Variants in GABBR2 observed in about 807,000 individuals in gnomAD.
GABBR2 encodes G-protein coupled receptor 51.
In GABBR2, 23 loss-of-function variants were observed where a neutral mutation model predicts 105.6. The ratio of observed to expected loss-of-function variants is 0.22; its 90% CI spans 0.16 to 0.31. GABBR2 has a LOEUF of 0.31. GABBR2 is among the 10% of genes least tolerant of loss of function. The pLI, the probability that GABBR2 is intolerant of heterozygous loss-of-function variation, is 1.00. For missense variants in GABBR2, 734 were observed against 1,245.5 expected, an observed-to-expected ratio of 0.59 and a Z score of 6.18; for synonymous variants, 478 against 499.7, an observed-to-expected ratio of 0.96 and a Z score of 0.58.
intron 1 of GABBR2, among the ~76,000 whole-genome samples, chr9:98,618,885 G>A (rs547904434): frequency 6.6e-6 from 1 of 152,332 alleles, no homozygotes; most frequent in Admixed American, 6.5e-5. Flanking sequence ...CCTAAGGCAA[G>A]TCACTCCCCT....
intron 3 of GABBR2, among the ~76,000 whole-genome samples, chr9:98,507,760 G>C (rs912765978): frequency 2.0e-5 from 3 of 152,034 alleles, no homozygotes; most frequent in African/African-American, 7.2e-5. Context: ...CCCTCTTCTC[G>C]GCTAAACAGA....
chr9:98,536,857 G>T (rs1828191207), intron 3 of GABBR2, among the ~76,000 whole-genome samples: 1 of 152,076 alleles, frequency 6.6e-6, no homozygotes, highest in Non-Finnish European at 1.5e-5. Context: ...CTTCCATCTG[G>T]CAGGGCCCCC....
chr9:98,645,172 G>A (rs1830014678), intron 1 of GABBR2, among the ~76,000 whole-genome samples: 1 of 152,156 alleles, frequency 6.6e-6, no homozygotes, highest in African/African-American at 2.4e-5. Flanking sequence ...CATGTAATTT[G>A]TATGTGAGTG....
At chr9:98,368,879 G>T (rs1009972119) in intron 12 of GABBR2, among the ~76,000 whole-genome samples, 3 of 152,158 alleles carry the variant, frequency 2.0e-5, no homozygotes, top group African/African-American at 7.2e-5. Flanking sequence ...AGGCTCCTGG[G>T]CTCCTCCCAA....
rs527503394 is a variant in GABBR2 at position 98,397,356 on chromosome 9, T to C, written c.1298-3101A>G. The stretch of plus-strand genomic sequence containing the variant: ...ATTTCATTCATTCATTCAACAAACA[T>C]TACTGGACACCCATTACGTGCCAGG... On this transcript the variant is annotated intron_variant, in intron 8 of 18. Coordinates refer to ENST00000259455, the MANE Select transcript of GABBR2 (RefSeq NM_005458.8). 4.7e-4 allele frequency among the ~76,000 whole-genome samples: 72 copies of C among 152,268 alleles called. 3 individuals carry two copies. The South Asian group carries it at 0.015, about 32-fold the overall frequency.
At chr9:98,631,251 A>G (rs1301266326) in intron 1 of GABBR2, among the ~76,000 whole-genome samples, 1 of 152,198 alleles carries the variant, frequency 6.6e-6, no homozygotes, top group Non-Finnish European at 1.5e-5. Flanking sequence ...ACAAAGTCCC[A>G]AAATCTGGAT....
chr9:98,378,378 GC>G (rs1325252382), intron 11 of GABBR2, among the ~76,000 whole-genome samples: 1 of 152,152 alleles, frequency 6.6e-6, no homozygotes, highest in African/African-American at 2.4e-5. Context: ...TGATGGAACC[GC>G]CCTGCTTCCC....
intron 3 of GABBR2, among the ~76,000 whole-genome samples, chr9:98,521,866 T>A (rs1827874472): frequency 6.6e-6 from 1 of 152,146 alleles, no homozygotes; most frequent in South Asian, 2.1e-4. Flanking sequence ...ATGAAAACTT[T>A]CTGAAACATA....
At chr9:98,450,772 A>G (rs562539036) in intron 7 of GABBR2, among the ~76,000 whole-genome samples, 101 of 152,334 alleles carry the variant, frequency 6.6e-4, no homozygotes, top group Non-Finnish European at 1.4e-3. Context: ...TTTCCCATTA[A>G]AAAGAAACTC....
chr9:98,380,742 C>T (rs1360927316), intron 11 of GABBR2, among the ~76,000 whole-genome samples: 2 of 152,224 alleles, frequency 1.3e-5, no homozygotes, highest in Admixed American at 6.5e-5. Context: ...CTAAGAGAAA[C>T]TGCATCCCTA....
At chr9:98,540,647 C>T (rs1049381185) in intron 3 of GABBR2, among the ~76,000 whole-genome samples, 1 of 152,204 alleles carries the variant, frequency 6.6e-6, no homozygotes, top group Non-Finnish European at 1.5e-5. Context: ...CCCACCGCTC[C>T]GGCTGAGGTC....
intron 1 of GABBR2, among the ~76,000 whole-genome samples, chr9:98,662,424 C>T (rs182836762): frequency 6.6e-6 from 1 of 152,248 alleles, no homozygotes; most frequent in East Asian, 1.9e-4. Context: ...TGAAGAGAGG[C>T]TGAGAATGAT....
At chr9:98,334,357 C>T (rs1831078299) in intron 13 of GABBR2, among the ~76,000 whole-genome samples, 1 of 152,188 alleles carries the variant, frequency 6.6e-6, no homozygotes, top group African/African-American at 2.4e-5. Flanking sequence ...GGATCAATCC[C>T]AGTGGAAGGG....
chr9:98,426,526 A>T (rs748232761), intron 7 of GABBR2, among the ~76,000 whole-genome samples: 33 of 152,190 alleles, frequency 2.2e-4, no homozygotes, highest in Admixed American at 6.5e-4. Context: ...CCTTGGAAAC[A>T]GTGGGCTGGG....
chr9:98,416,566 G>A (rs1832692876), intron 7 of GABBR2, among the ~76,000 whole-genome samples: 3 of 152,232 alleles, frequency 2.0e-5, no homozygotes, highest in Non-Finnish European at 4.4e-5. Flanking sequence ...CTGTCAGGCA[G>A]GGTCCTGCCT....
chr9:98,459,534 T>A (rs748808128), intron 6 of GABBR2, among the ~76,000 whole-genome samples: 3 of 152,216 alleles, frequency 2.0e-5, no homozygotes, highest in Non-Finnish European at 4.4e-5. Flanking sequence ...AAGACTTGCA[T>A]GGCCAAGGTG....
At chr9:98,422,316 A>G (rs1202054244) in intron 7 of GABBR2, among the ~76,000 whole-genome samples, 1 of 152,218 alleles carries the variant, frequency 6.6e-6, no homozygotes, top group African/African-American at 2.4e-5. Context: ...ATTGGTGAAG[A>G]CAGAGACATG....
At chr9:98,561,703 C>A (rs1167400184) in intron 2 of GABBR2, among the ~76,000 whole-genome samples, 2 of 152,026 alleles carry the variant, frequency 1.3e-5, no homozygotes, top group African/African-American at 2.4e-5. Flanking sequence ...AGCAACATGG[C>A]GAGACTCCGT....
At chr9:98,315,288 C>A (rs954223510) in intron 13 of GABBR2, among the ~76,000 whole-genome samples, 13 of 152,138 alleles carry the variant, frequency 8.5e-5, no homozygotes, top group African/African-American at 3.1e-4. Flanking sequence ...CCTGGGGTGG[C>A]CGAGCTGCTC....
Sources: gnomAD v4.1 joint callset for allele counts (sites outside exome capture counted in the v4.1 genomes callset) on GRCh38, gnomAD v4.1.1 for gene constraint, MANE v1.5 for transcripts, NCBI Gene and HGNC (gene_info 2026-07-23, HGNC 2026-07-21) for gene names.